The following KDM1B variants were observed in gnomAD, a reference collection of about 807,000 sequenced individuals.
KDM1B encodes lysine-specific histone demethylase 2.
Under a neutral mutation model 107.4 loss-of-function variants are expected in KDM1B, and 63 were observed. That is an observed-to-expected ratio of 0.59 (90% confidence interval 0.48 to 0.72). The LOEUF (loss-of-function observed/expected upper bound fraction) is 0.72, where lower values mean the gene tolerates loss of function less well. KDM1B is among the 30% of genes least tolerant of loss of function. KDM1B has a pLI of 0.00. For missense variants in KDM1B, 749 were observed against 1,020.8 expected (o/e 0.73, Z 3.63); for synonymous variants, 363 against 363.9 (o/e 1.00, Z 0.03).
Position 18,200,685 on chromosome 6 carries a change from C to G in KDM1B, c.1359+109C>G. Reference sequence around the variant, plus strand: ...AAAGTAAATTACATATAACAGCCCCCTCATCTCCTATGCAAAGCAGTAAGA... The same window carrying G: ...AAAGTAAATTACATATAACAGCCCCGTCATCTCCTATGCAAAGCAGTAAGA... On this transcript the variant is annotated intron_variant, in intron 13 of 21. Transcript: ENST00000650836. The surrounding 1 kb of genome is among the most constrained non-coding windows in gnomAD (Gnocchi z 4.3). The G allele has an allele frequency of 1.1e-6, 1 of 896,842 alleles. No homozygotes were observed. The highest frequency in any genetic ancestry group is 1.6e-6 in the Non-Finnish European group (1 of 611,002). 55.6% of individuals were successfully genotyped at this position (896,842 alleles called of 1,614,324 possible). A position where few individuals can be genotyped will look rare whatever the true frequency, so the allele number is the denominator to read the frequency against.
intron 2 of KDM1B, among the ~76,000 whole-genome samples, chr6:18,157,211 A>G (rs927123936): frequency 6.6e-6 from 1 of 152,212 alleles, no homozygotes; most frequent in African/African-American, 2.4e-5. Context: ...TTAAGACCTA[A>G]GGACCCAGCA....
intron 17 of KDM1B, among the ~76,000 whole-genome samples, chr6:18,210,359 T>TTG (rs1788763705): frequency 1.1e-5 from 1 of 90,592 alleles, no homozygotes; most frequent in African/African-American, 5.2e-5. Context: ...TTTTTTTTTT[T>TTG]TTTTTTTTTT....
At position 18,201,457 on chromosome 6, in the gene KDM1B, T is replaced by C; in HGVS notation, c.1360-29T>C. ...TAAATATTTTTTTCCAGGGAAAATTTTCACCTTCTTATTCTTATTATTTTG... is the reference window on the plus strand; with the variant it reads ...TAAATATTTTTTTCCAGGGAAAATTCTCACCTTCTTATTCTTATTATTTTG... On this transcript the variant is annotated intron_variant, in intron 13 of 21. Coordinates refer to ENST00000650836, the MANE Select transcript of KDM1B (RefSeq NM_001364614.2). The surrounding 1 kb of genome is among the most constrained non-coding windows in gnomAD (Gnocchi z 4.3). 1 of 1,507,628 alleles carries C rather than the reference T, an allele frequency of 6.6e-7. No homozygotes were observed. The highest frequency in any genetic ancestry group is 8.9e-7 in the Non-Finnish European group (1 of 1,123,896). The allele number at this position is 1,507,628 out of a possible 1,614,324, so 93.4% of individuals were successfully genotyped here.
intron 9 of KDM1B, among the ~76,000 whole-genome samples, chr6:18,189,222 C>T (rs1251091474): frequency 6.6e-6 from 1 of 152,120 alleles, no homozygotes; most frequent in Admixed American, 6.5e-5. Context: ...CACTGTGGTC[C>T]TATCTTAAGG....
At chr6:18,179,840 G>T (rs546627744) in intron 7 of KDM1B, among the ~76,000 whole-genome samples, 3 of 79,396 alleles carry the variant, frequency 3.8e-5, no homozygotes, top group Admixed American at 3.2e-4. Context: ...TTTAGCATTG[G>T]TTTTTTTTCC....
rs1436493169 is a variant in KDM1B at position 18,156,719 on chromosome 6, C to T, written c.-14+793C>T. On this transcript the variant is annotated intron_variant, in intron 2 of 21. Coordinates refer to ENST00000650836, the MANE Select transcript of KDM1B (RefSeq NM_001364614.2). ...ACTTGAGGTCAGGAGTACTTCAAGACCAGCCTGGCCAAGGTGGTGAAACCT... is the reference window on the plus strand; with the variant it reads ...ACTTGAGGTCAGGAGTACTTCAAGATCAGCCTGGCCAAGGTGGTGAAACCT... 2.0e-5 allele frequency among the ~76,000 whole-genome samples: 3 copies of T among 152,006 alleles called. No individual in the cohort carries two copies. In the East Asian group the frequency reaches 5.8e-4, roughly 29 times the overall value.
Position 18,212,436 on chromosome 6 carries a change from A to C in KDM1B, c.1867-52A>C. On this transcript the variant is annotated intron_variant, in intron 17 of 21. Transcript: ENST00000650836. This position sits in a 1 kb window ranked among gnomAD's most constrained non-coding sequence, Gnocchi z 5.2. ...GGGTTGTTGATACCAGTGTAGTGGT[A>C]GTGTGAGGTTCTGTTGCTGTTTGTT... 1 of 999,068 alleles carries C rather than the reference A, an allele frequency of 1.0e-6. No homozygotes were observed. The highest frequency in any genetic ancestry group is 1.7e-5 in the Admixed American group (1 of 59,274). The allele number at this position is 999,068 out of a possible 1,614,324, so 61.9% of individuals were successfully genotyped here. A position where few individuals can be genotyped will look rare whatever the true frequency, so the allele number is the denominator to read the frequency against.
chr6:18,183,950 C>G (rs1381119464), intron 7 of KDM1B, among the ~76,000 whole-genome samples: 1 of 151,992 alleles, frequency 6.6e-6, no homozygotes, highest in Non-Finnish European at 1.5e-5. Context: ...ACTAGAACTG[C>G]TAGGCCATAT....
intron 6 of KDM1B, among the ~76,000 whole-genome samples, chr6:18,169,393 C>G (rs1785511652): frequency 6.6e-6 from 1 of 151,118 alleles, no homozygotes; most frequent in African/African-American, 2.4e-5. Flanking sequence ...CGCCACCACA[C>G]CTGGCTAATT....
At chr6:18,168,538 G>A (rs367929254) in intron 6 of KDM1B, among the ~76,000 whole-genome samples, 14 of 152,194 alleles carry the variant, frequency 9.2e-5, no homozygotes, top group Middle Eastern at 3.4e-3. Context: ...CATTTCAAGC[G>A]TTTAGCAATT....
chr6:18,216,555 C>T (rs974942143), intron 20 of KDM1B, among the ~76,000 whole-genome samples: 1 of 152,198 alleles, frequency 6.6e-6, no homozygotes, highest in African/African-American at 2.4e-5. Flanking sequence ...TACAGTCGCT[C>T]TCTCTTACTC....
At chr6:18,218,297 T>A (rs1248874749) in intron 21 of KDM1B, among the ~76,000 whole-genome samples, 2 of 152,022 alleles carry the variant, frequency 1.3e-5, no homozygotes, top group African/African-American at 4.8e-5. Flanking sequence ...ATTTTTTTTT[T>A]ATTTTTTGTA....
Position 18,200,739 on chromosome 6 carries a change from GAACT to G in KDM1B, c.1359+165_1359+168del, listed in dbSNP as rs1787978693. ...ACACTTCTGCCTTTCTGAGAAGGTAGAACTAGAGGATGTAAAATACTTTTTTTCC... is the reference window on the plus strand; with the variant it reads ...ACACTTCTGCCTTTCTGAGAAGGTAGAGAGGATGTAAAATACTTTTTTTCC... On this transcript the variant is annotated intron_variant, in intron 13 of 21. Coordinates refer to ENST00000650836, the MANE Select transcript of KDM1B (RefSeq NM_001364614.2). This position sits in a 1 kb window ranked among gnomAD's most constrained non-coding sequence, Gnocchi z 4.3. Among the ~76,000 whole-genome samples, 1 of 152,154 alleles carries G rather than the reference GAACT, an allele frequency of 6.6e-6. No individual in the cohort carries two copies. The highest frequency in any genetic ancestry group is 2.4e-5 in the African/African-American group (1 of 41,438).
In KDM1B at chr6:18,162,899, G is replaced by A; in HGVS notation, c.280G>A (p.Glu94Lys). The change falls in exon 5 of 22, where the codon GAA (glutamate) becomes AAA (lysine). Residue 94 changes from glutamate to lysine, a missense_variant. Coordinates refer to ENST00000650836, the MANE Select transcript of KDM1B (RefSeq NM_001364614.2). The surrounding 1 kb of genome is among the most constrained non-coding windows in gnomAD (Gnocchi z 4.1). ...CTCCTGTGGGGAACATTTCTGTAAT[G>A]AATGCTTTGACCATTACTACAGAAG... ...HLSCGEHFCN[E>K]CFDHYYRSHK... The A allele has an allele frequency of 1.2e-6, 2 of 1,611,056 alleles. No individual in the cohort carries two copies. Among genetic ancestry groups the A allele is most frequent in the Non-Finnish European group, 1.7e-6 (2 of 1,177,206 alleles).
At chr6:18,175,444 TC>T (rs1179496660) in intron 7 of KDM1B, among the ~76,000 whole-genome samples, 1 of 152,246 alleles carries the variant, frequency 6.6e-6, no homozygotes, top group African/African-American at 2.4e-5. Flanking sequence ...GTCTGTTTAC[TC>T]TGCTGATTGT....
In KDM1B at chr6:18,155,798, C is replaced by CT. The variant is rs967761788; in HGVS notation, c.-57-84dup. The CT allele has an allele frequency of 3.3e-5, 5 of 152,316 alleles. No homozygotes were observed. The highest frequency in any genetic ancestry group is 2.6e-4 in the Admixed American group (4 of 15,274). The allele number at this position is 152,316 out of a possible 1,614,324, so 9.4% of individuals were successfully genotyped here. A position where few individuals can be genotyped will look rare whatever the true frequency, so the allele number is the denominator to read the frequency against. ...GTCTGAAGAAGGGGGAATTCCCGGG[C>CT]TAGGGTGTTGGGGCGTGGGGTCGCC... On this transcript the variant is annotated intron_variant, in intron 1 of 21. Coordinates refer to ENST00000650836, the MANE Select transcript of KDM1B (RefSeq NM_001364614.2). The surrounding 1 kb of genome is among the most constrained non-coding windows in gnomAD (Gnocchi z 6.2).
chr6:18,204,371 C>T lies in KDM1B; in HGVS notation c.1532-1166C>T, dbSNP rs2150988123. Among the ~76,000 whole-genome samples, 1 of 152,158 alleles carries T rather than the reference C, an allele frequency of 6.6e-6. No individual in the cohort carries two copies. The highest frequency in any genetic ancestry group is 1.9e-4 in the East Asian group (1 of 5,174). Reference sequence around the variant, plus strand: ...TAGAGGCGGGCGCCTGTAGTCCCAGCTACTTGGGAGGCCGATTGCTGGAGC... The same window carrying T: ...TAGAGGCGGGCGCCTGTAGTCCCAGTTACTTGGGAGGCCGATTGCTGGAGC... On this transcript the variant is annotated intron_variant, in intron 14 of 21. Coordinates refer to ENST00000650836, the MANE Select transcript of KDM1B (RefSeq NM_001364614.2). The surrounding 1 kb of genome is among the most constrained non-coding windows in gnomAD (Gnocchi z 4.9).
Position 18,197,477 on chromosome 6 carries a change from G to A in KDM1B, c.1147-110G>A. ...TTCTTTAGGAAAATAACTTTCTAAGGACATCAAAGAAATGTAAATGAACGA... is the reference window on the plus strand; with the variant it reads ...TTCTTTAGGAAAATAACTTTCTAAGAACATCAAAGAAATGTAAATGAACGA... On this transcript the variant is annotated intron_variant, in intron 11 of 21. Coordinates refer to ENST00000650836, the MANE Select transcript of KDM1B (RefSeq NM_001364614.2). This position sits in a 1 kb window ranked among gnomAD's most constrained non-coding sequence, Gnocchi z 4.5. 1 of 890,992 alleles carries A rather than the reference G, an allele frequency of 1.1e-6. No homozygotes were observed. The highest frequency in any genetic ancestry group is 2.0e-5 in the Admixed American group (1 of 48,806). The allele number at this position is 890,992 out of a possible 1,614,324, so 55.2% of individuals were successfully genotyped here. A position where few individuals can be genotyped will look rare whatever the true frequency, so the allele number is the denominator to read the frequency against.
rs1561946499 is a variant in KDM1B, at chr6:18,205,852, C to A, written c.1659+188C>A. Among the ~76,000 whole-genome samples, 1 of 152,080 alleles carries A rather than the reference C, an allele frequency of 6.6e-6. No homozygotes were observed. Among genetic ancestry groups the A allele is most frequent in the Non-Finnish European group, 1.5e-5 (1 of 68,024 alleles). On this transcript the variant is annotated intron_variant, in intron 15 of 21. Transcript: ENST00000650836. The surrounding 1 kb of genome is among the most constrained non-coding windows in gnomAD (Gnocchi z 5.7). The stretch of plus-strand genomic sequence containing the variant: ...ACTAAAATACAAAAAATTAGCCAGG[C>A]CTGGTGGCGCATACCTGTAGTCCCA...
Sources: allele counts gnomAD v4.1 joint callset (sites outside exome capture counted in the v4.1 genomes callset), GRCh38; gene constraint gnomAD v4.1.1; non-coding constraint Gnocchi (gnomAD v3.1); transcripts MANE v1.5; gene names NCBI Gene and HGNC (gene_info 2026-07-23, HGNC 2026-07-21).